Variants in PDZRN3 observed in about 807,000 individuals in gnomAD.
PDZRN3 encodes E3 ubiquitin-protein ligase PDZRN3.
Under a neutral mutation model 85.7 loss-of-function variants are expected in PDZRN3, and 38 were observed. The ratio of observed to expected loss-of-function variants is 0.44; its 90% confidence interval spans 0.34 to 0.58. PDZRN3 has a LOEUF of 0.58. Ranked by LOEUF, PDZRN3 falls within the 20% of genes least tolerant of loss-of-function variation. The pLI is 0.01. For missense variants in PDZRN3, 1,629 were observed against 1,506.4 expected (o/e 1.08, Z -1.35); for synonymous variants, 759 against 638.0 (o/e 1.19, Z -2.86).
rs1225753501 is a variant in PDZRN3, at chr3:73,404,226, G to C, written c.1088C>G (p.Thr363Ser). The C allele has an allele frequency of 6.2e-7, 1 of 1,614,104 alleles. No individual in the cohort carries two copies. Among genetic ancestry groups the C allele is most frequent in the Non-Finnish European group, 8.5e-7 (1 of 1,179,990 alleles). The part of the protein sequence containing the change: ...LVDTGTQTDI[T>S]FEHIMALTKM... ...AGTGAGGGCCATGATATGTTCAAAG[G>C]TGATGTCGGTTTGGGTTCCCGTGTC... Residue 363 changes from threonine to serine, a missense_variant, in exon 4 of 10, where the codon ACC becomes AGC. Physicochemically the swap from Thr to Ser is moderately conservative, Grantham distance 58. Transcript: ENST00000263666.
chr3:73,566,359 T>C (rs896488779), intron 3 of PDZRN3, among the ~76,000 whole-genome samples: 8 of 152,198 alleles, frequency 5.3e-5, no homozygotes, highest in Admixed American at 5.2e-4. Flanking sequence ...AGCACAACAT[T>C]CAACTCATAA....
At chr3:73,386,067 C>A (rs1447791190) in intron 8 of PDZRN3, among the ~76,000 whole-genome samples, 1 of 151,714 alleles carries the variant, frequency 6.6e-6, no homozygotes, top group African/African-American at 2.4e-5. Flanking sequence ...ACCTTCAGTG[C>A]AGTAGGACAC....
chr3:73,387,759 C>CTGCAG (rs1170697277), intron 8 of PDZRN3, among the ~76,000 whole-genome samples: 1 of 152,098 alleles, frequency 6.6e-6, no homozygotes, highest in Non-Finnish European at 1.5e-5. Context: ...CGTCGTGGGC[C>CTGCAG]TGCAGTATAG....
At chr3:73,396,599 A>C (rs1364098910) in intron 5 of PDZRN3, among the ~76,000 whole-genome samples, 2 of 152,166 alleles carry the variant, frequency 1.3e-5, no homozygotes, top group Non-Finnish European at 2.9e-5. Flanking sequence ...CTATGAAACC[A>C]GGTTTGGAGA....
intron 3 of PDZRN3, among the ~76,000 whole-genome samples, chr3:73,599,954 A>G (rs909882607): frequency 2.0e-5 from 3 of 152,212 alleles, no homozygotes; most frequent in Non-Finnish European, 2.9e-5. Flanking sequence ...GCAACAGCCT[A>G]TATATTTTTA....
At chr3:73,442,697 A>ATTT (rs56095919) in intron 3 of PDZRN3, among the ~76,000 whole-genome samples, 32 of 146,686 alleles carry the variant, frequency 2.2e-4, no homozygotes, top group African/African-American at 5.5e-4. Flanking sequence ...AAATGTGTGG[A>ATTT]TTTTTTTTTT....
chr3:73,615,423 G>T (rs1455504777), intron 1 of PDZRN3, among the ~76,000 whole-genome samples: 3 of 152,100 alleles, frequency 2.0e-5, no homozygotes, highest in Non-Finnish European at 4.4e-5. Flanking sequence ...TTACTTATGG[G>T]GTGTGCTACG....
At chr3:73,538,203 G>A (rs1233381698) in intron 3 of PDZRN3, among the ~76,000 whole-genome samples, 3 of 152,194 alleles carry the variant, frequency 2.0e-5, no homozygotes, top group Non-Finnish European at 4.4e-5. Context: ...ACTTCTAGGA[G>A]TCTTGCATCT....
chr3:73,579,875 T>A (rs1435757234), intron 3 of PDZRN3, among the ~76,000 whole-genome samples: 2 of 152,160 alleles, frequency 1.3e-5, no homozygotes. Flanking sequence ...CATATTTACA[T>A]AATATTTAGA....
At chr3:73,585,565 A>C (rs887809418) in intron 3 of PDZRN3, among the ~76,000 whole-genome samples, 1 of 151,922 alleles carries the variant, frequency 6.6e-6, no homozygotes, top group Non-Finnish European at 1.5e-5. Flanking sequence ...GCACCCCCAC[A>C]CCCCCAGAAA....
intron 3 of PDZRN3, among the ~76,000 whole-genome samples, chr3:73,521,910 G>T (rs560996775): frequency 2.6e-5 from 4 of 152,300 alleles, no homozygotes; most frequent in Admixed American, 2.0e-4. Flanking sequence ...TTTTGTCAAA[G>T]TTCTAAGACT....
intron 3 of PDZRN3, among the ~76,000 whole-genome samples, chr3:73,517,534 A>C (rs1486880677): frequency 6.6e-6 from 1 of 152,248 alleles, no homozygotes; most frequent in Non-Finnish European, 1.5e-5. Flanking sequence ...GGATGCTAAG[A>C]GATTCTTTAA....
intron 3 of PDZRN3, among the ~76,000 whole-genome samples, chr3:73,517,372 T>C (rs116360782): frequency 2.0e-5 from 3 of 152,222 alleles, no homozygotes; most frequent in Non-Finnish European, 4.4e-5. Context: ...AAAAAAGCTA[T>C]GCTGGTCATG....
intron 3 of PDZRN3, among the ~76,000 whole-genome samples, chr3:73,557,861 T>C (rs1559737248): frequency 3.3e-5 from 5 of 152,330 alleles, no homozygotes; most frequent in East Asian, 1.9e-4. Flanking sequence ...CTTCAACTTA[T>C]GTCTTGCAGA....
At chr3:73,408,055 G>A in intron 3 of PDZRN3, 1 of 667,126 alleles carries the variant, frequency 1.5e-6, no homozygotes, top group Non-Finnish European at 2.7e-6. Flanking sequence ...TCTGACAACT[G>A]TGCCCAAGAA....
chr3:73,491,535 AG>A (rs934188203), intron 3 of PDZRN3, among the ~76,000 whole-genome samples: 2 of 151,266 alleles, frequency 1.3e-5, no homozygotes, highest in African/African-American at 4.9e-5. Flanking sequence ...TGTTAATTCA[AG>A]TAGACAGACT....
intron 3 of PDZRN3, among the ~76,000 whole-genome samples, chr3:73,479,136 T>C (rs923210247): frequency 2.0e-5 from 3 of 152,198 alleles, no homozygotes; most frequent in African/African-American, 2.4e-5. Context: ...CTTAGACTGC[T>C]TGAAAAAGGT....
intron 3 of PDZRN3, among the ~76,000 whole-genome samples, chr3:73,492,512 T>C (rs1366383037): frequency 6.6e-6 from 1 of 152,246 alleles, no homozygotes; most frequent in Non-Finnish European, 1.5e-5. Context: ...ATTGGATGTC[T>C]GGGTGCATGG....
intron 3 of PDZRN3, among the ~76,000 whole-genome samples, chr3:73,538,885 A>T (rs1043306049): frequency 2.0e-4 from 31 of 152,182 alleles, no homozygotes; most frequent in African/African-American, 7.5e-4. Context: ...CTGAAGGCTC[A>T]CTGTGTTTCT....
Sources: gnomAD v4.1 joint callset for allele counts (sites outside exome capture counted in the v4.1 genomes callset) on GRCh38, gnomAD v4.1.1 for gene constraint, MANE v1.5 for transcripts, NCBI Gene and HGNC (gene_info 2026-07-23, HGNC 2026-07-21) for gene names.